PDE4D: variants seen among roughly 807,000 people sequenced by gnomAD.
PDE4D encodes the protein 3',5'-cyclic-AMP phosphodiesterase 4D.
A neutral mutation model predicts 87.4 loss-of-function variants in PDE4D; 24 were observed. The ratio of observed to expected loss-of-function variants is 0.27; its 90% confidence interval spans 0.20 to 0.39. The LOEUF (loss-of-function observed/expected upper bound fraction) is 0.39, where lower values mean the gene tolerates loss of function less well. Among genes scored for constraint, PDE4D ranks in the 10% least tolerant of loss-of-function variants. The probability of loss-of-function intolerance (pLI) is 1.00; values close to 1 mark genes in which losing one functional copy is unlikely to be tolerated. For synonymous variants in PDE4D, 384 were observed against 383.2 expected, an observed-to-expected ratio of 1.00 and a Z score of -0.02; for missense variants, 714 against 1,041.0, an observed-to-expected ratio of 0.69 and a Z score of 4.32.
chr5:59,117,970 C>T (rs962347888), intron 5 of PDE4D, among the ~76,000 whole-genome samples: 7 of 152,128 alleles, frequency 4.6e-5, no homozygotes, highest in African/African-American at 1.2e-4. Context: ...CAAATGCTTC[C>T]GGGACTAAGT....
intron 1 of PDE4D, among the ~76,000 whole-genome samples, chr5:60,283,659 G>T (rs1366192539): frequency 1.3e-5 from 2 of 151,970 alleles, no homozygotes; most frequent in Non-Finnish European, 2.9e-5. Flanking sequence ...GAGGCTTAAT[G>T]TAGCTTAACA....
In PDE4D at chr5:59,220,099, T is replaced by A. The variant is rs1752154577; in HGVS notation, c.456-4131A>T. Among the ~76,000 whole-genome samples the A allele has an allele frequency of 2.6e-5, 4 of 152,034 alleles. No homozygotes were observed. In the South Asian group the frequency reaches 8.3e-4, roughly 32 times the overall value. On this transcript the variant is annotated intron_variant, in intron 1 of 14. Transcript: ENST00000340635. ...GCCAAGGAGTGTCAGCAGAAGCTTG[T>A]TATAAAGACTTACGTGGAAACACAC...
At chr5:59,352,598 A>T (rs910241679) in intron 1 of PDE4D, among the ~76,000 whole-genome samples, 1 of 152,160 alleles carries the variant, frequency 6.6e-6, no homozygotes, top group Admixed American at 6.5e-5. Context: ...CTCTCCTATG[A>T]TCCCTGTTCA....
chr5:59,227,257 T>C (rs1371705882), intron 1 of PDE4D, among the ~76,000 whole-genome samples: 1 of 152,146 alleles, frequency 6.6e-6, no homozygotes, highest in Non-Finnish European at 1.5e-5. Flanking sequence ...ATTAAAGACC[T>C]AAATGTAAAA....
At chr5:59,304,273 T>C (rs1014118342) in intron 1 of PDE4D, among the ~76,000 whole-genome samples, 37 of 152,292 alleles carry the variant, frequency 2.4e-4, no homozygotes, top group African/African-American at 8.9e-4. Context: ...TGAATTCATT[T>C]ATCAGTTCTA....
At chr5:60,354,281 C>A (rs781039648) in intron 1 of PDE4D, among the ~76,000 whole-genome samples, 2 of 152,100 alleles carry the variant, frequency 1.3e-5, no homozygotes, top group Admixed American at 6.6e-5. Flanking sequence ...AGAAATAGTG[C>A]AAAGTAAACA....
intron 1 of PDE4D, among the ~76,000 whole-genome samples, chr5:59,651,927 T>C (rs1743570767): frequency 6.6e-6 from 1 of 152,196 alleles, no homozygotes; most frequent in South Asian, 2.1e-4. Flanking sequence ...CCTCTGTAAA[T>C]TGCCTTAGCT....
At chr5:59,065,152 A>T (rs1014707482) in intron 5 of PDE4D, among the ~76,000 whole-genome samples, 1 of 151,798 alleles carries the variant, frequency 6.6e-6, no homozygotes, top group Non-Finnish European at 1.5e-5. Flanking sequence ...TTCAGCCCTA[A>T]AAAAGGAAGG....
intron 1 of PDE4D, among the ~76,000 whole-genome samples, chr5:59,865,333 T>C (rs1171371605): frequency 6.6e-6 from 1 of 152,220 alleles, no homozygotes; most frequent in Admixed American, 6.5e-5. Context: ...AATTCTCCCA[T>C]GTAGTGTAAA....
intron 1 of PDE4D, among the ~76,000 whole-genome samples, chr5:59,316,717 C>T (rs1165335719): frequency 6.6e-6 from 1 of 152,138 alleles, no homozygotes. Context: ...TGTCAATGTT[C>T]CAGTTGTGGA....
chr5:59,034,285 G>T (rs1257965014), intron 6 of PDE4D, among the ~76,000 whole-genome samples: 1 of 152,056 alleles, frequency 6.6e-6, no homozygotes, highest in Non-Finnish European at 1.5e-5. Flanking sequence ...TTTAAAGTTT[G>T]TATTTAGGCA....
chr5:59,286,674 CT>C (rs1480461171), intron 1 of PDE4D, among the ~76,000 whole-genome samples: 2 of 152,084 alleles, frequency 1.3e-5, no homozygotes, highest in East Asian at 3.9e-4. Context: ...TCAAAAGTAA[CT>C]CTTGAAAACA....
intron 1 of PDE4D, among the ~76,000 whole-genome samples, chr5:59,577,460 T>C (rs1373295714): frequency 6.6e-6 from 1 of 152,158 alleles, no homozygotes; most frequent in Non-Finnish European, 1.5e-5. Context: ...TATGCCTGAA[T>C]AAGACAGAAA....
At chr5:60,137,390 T>C (rs1012032345) in intron 2 of PDE4D, among the ~76,000 whole-genome samples, 6 of 152,192 alleles carry the variant, frequency 3.9e-5, no homozygotes, top group Admixed American at 3.3e-4. Flanking sequence ...TCTTCCACAA[T>C]AGTTGAACTA....
intron 1 of PDE4D, among the ~76,000 whole-genome samples, chr5:59,623,728 A>G (rs1830587359): frequency 1.3e-5 from 2 of 152,136 alleles, no homozygotes; most frequent in South Asian, 2.1e-4. Context: ...AAGATTAGTC[A>G]TCTTGACTAG....
intron 2 of PDE4D, among the ~76,000 whole-genome samples, chr5:60,013,065 T>C (rs879725956): frequency 3.3e-5 from 5 of 152,180 alleles, no homozygotes; most frequent in African/African-American, 4.8e-5. Flanking sequence ...TGTCCCTGAT[T>C]TCTGCTCTCT....
At chr5:59,997,034 G>C (rs1763583065) in intron 2 of PDE4D, among the ~76,000 whole-genome samples, 1 of 152,078 alleles carries the variant, frequency 6.6e-6, no homozygotes, top group African/African-American at 2.4e-5. Flanking sequence ...CTCTCATTCA[G>C]TAATATTCTA....
At chr5:59,680,110 TA>T (rs1186995294) in intron 1 of PDE4D, among the ~76,000 whole-genome samples, 1 of 152,112 alleles carries the variant, frequency 6.6e-6, no homozygotes, top group African/African-American at 2.4e-5. Flanking sequence ...ACAAAAAGCA[TA>T]AAAAATACAT....
At chr5:59,625,823 G>A (rs754927449) in intron 1 of PDE4D, among the ~76,000 whole-genome samples, 82 of 152,344 alleles carry the variant, frequency 5.4e-4, no homozygotes, top group Admixed American at 1.2e-3. Flanking sequence ...GCTCATGCCT[G>A]TAATCCCAGC....
Sources: allele counts gnomAD v4.1 joint callset (sites outside exome capture counted in the v4.1 genomes callset), GRCh38; gene constraint gnomAD v4.1.1; transcripts MANE v1.5; gene names NCBI Gene and HGNC (gene_info 2026-07-23, HGNC 2026-07-21).